CD300A: variants seen among roughly 807,000 people sequenced by gnomAD.
CD300A encodes the protein CD300a molecule.
CD300A carries 22 observed loss-of-function variants against 33.6 expected under a neutral mutation model. The observed-to-expected ratio is 0.66, with a 90% CI of 0.47 to 0.94. CD300A has a LOEUF of 0.94. Among genes scored for constraint, CD300A ranks in the 40% least tolerant of loss-of-function variants. The pLI is 0.00. For missense variants in CD300A, 326 were observed against 360.5 expected (o/e 0.90, Z 0.77); for synonymous variants, 136 against 148.1 (o/e 0.92, Z 0.59).
intron 4 of CD300A, among the ~76,000 whole-genome samples, chr17:74,481,012 G>T (rs1906804411): frequency 6.6e-6 from 1 of 152,192 alleles, no homozygotes; most frequent in African/African-American, 2.4e-5. Context: ...GCTTCCCAAA[G>T]CACTGGGATT....
chr17:74,484,218 G>T lies in CD300A; in HGVS notation c.*92G>T, dbSNP rs1447228885. The T allele has an allele frequency of 3.6e-6, 5 of 1,405,380 alleles. No individual in the cohort carries two copies. In the Middle Eastern group the frequency reaches 7.8e-4, roughly 219 times the overall value. The allele number at this position is 1,405,380 out of a possible 1,614,324, so 87.1% of individuals were successfully genotyped here. A position where few individuals can be genotyped will look rare whatever the true frequency, so the allele number is the denominator to read the frequency against. ...ACCTGGCCCACGTCCTTCTCAGCCTGCCCTCGACAACAGTGACCAACAGAC... is the reference window on the plus strand; with the variant it reads ...ACCTGGCCCACGTCCTTCTCAGCCTTCCCTCGACAACAGTGACCAACAGAC... On this transcript the variant is annotated 3_prime_UTR_variant, in exon 7 of 7. Transcript: ENST00000360141.
chr17:74,484,121 A>G lies in CD300A; in HGVS notation c.895A>G (p.Thr299Ala). ...PDSDYSVIRK[T>A] ...TTCAGATTACAGTGTGATAAGGAAG[A>G]CATAGGCTTTTGTCCTGCCTCGCCA... Residue 299 changes from threonine to alanine, a missense_variant, in exon 7 of 7, where the codon ACA (threonine) becomes GCA (alanine). By Grantham distance (58) the Thr-to-Ala change is moderately conservative. Coordinates refer to ENST00000360141, the MANE Select transcript of CD300A (RefSeq NM_007261.4). The G allele has an allele frequency of 1.2e-6, 2 of 1,613,686 alleles. No homozygotes were observed. Among genetic ancestry groups the G allele is most frequent in the South Asian group, 2.2e-5 (2 of 91,050 alleles).
At chr17:74,469,748 C>T (rs920323701) in intron 1 of CD300A, among the ~76,000 whole-genome samples, 3 of 152,118 alleles carry the variant, frequency 2.0e-5, no homozygotes, top group Non-Finnish European at 4.4e-5. Context: ...TCACTTGAAC[C>T]CAGGAGGCGG....
chr17:74,481,254 G>A (rs752405902), intron 4 of CD300A, 35 bp from the exon 5 acceptor site: 11 of 1,610,486 alleles, frequency 6.8e-6, no homozygotes, highest in East Asian at 2.2e-5. Flanking sequence ...CCATTGTTCC[G>A]GGATTCAACC....
intron 4 of CD300A, 66 bp downstream of exon 4, chr17:74,477,596 T>A (rs1489525784): frequency 9.8e-7 from 1 of 1,016,036 alleles, no homozygotes; most frequent in Non-Finnish European, 1.5e-6. Flanking sequence ...CAGACGCTCA[T>A]CTTCAAAGCT....
In CD300A at chr17:74,484,002, C is replaced by A. The variant is rs1440447284; in HGVS notation, c.776C>A (p.Ala259Asp). 6.2e-7 allele frequency: 1 copy of A among 1,613,792 alleles called. No homozygotes were observed. Among genetic ancestry groups the A allele is most frequent in the Non-Finnish European group, 8.5e-7 (1 of 1,179,814 alleles). ...CAGTTTCTTGGTTTCTCTCTGCAGG[C>A]CTCCCCCAGGGAAGAACTTCACTAT... ...REVEVEYSTVASPREELHYAS... is the reference protein window; with the variant it reads ...REVEVEYSTVDSPREELHYAS... Residue 259 changes from alanine to aspartate, a missense_variant and splice_region_variant, in exon 7 of 7, where the codon GCC becomes GAC. By Grantham distance (126) the Ala-to-Asp change is moderately radical. Coordinates refer to ENST00000360141, the MANE Select transcript of CD300A (RefSeq NM_007261.4).
chr17:74,467,361 C>T (rs772332755), intron 1 of CD300A, among the ~76,000 whole-genome samples: 2 of 152,134 alleles, frequency 1.3e-5, no homozygotes, highest in Non-Finnish European at 2.9e-5. Context: ...GGGTTAGCCC[C>T]TGCATGGGCC....
chr17:74,467,039 C>T, intron 1 of CD300A: 2 of 1,273,914 alleles, frequency 1.6e-6, no homozygotes, highest in Non-Finnish European at 2.0e-6. Context: ...TGAATTCTTA[C>T]AGGAAGGGGG....
intron 3 of CD300A, 141 bp from the exon 4 acceptor site, chr17:74,477,295 T>A: frequency 1.8e-6 from 1 of 559,492 alleles, no homozygotes; most frequent in Non-Finnish European, 3.2e-6. Context: ...AAGGCTGCAG[T>A]GAGCCATGAT....
chr17:74,481,455 A>G, intron 5 of CD300A, 129 bp downstream of exon 5: 1 of 839,550 alleles, frequency 1.2e-6, no homozygotes, highest in Non-Finnish European at 2.0e-6. Context: ...AGCAGGACGA[A>G]TGATGCTGGG....
chr17:74,474,789 C>A, intron 3 of CD300A, 104 bp downstream of exon 3: 1 of 1,285,398 alleles, frequency 7.8e-7, no homozygotes, highest in Non-Finnish European at 1.1e-6. Context: ...GTGCATCGCT[C>A]CCTTTGCCCC....
rs770356061 is a variant in CD300A at position 74,473,916 on chromosome 17, G to A, written c.379+42G>A. ...CTCAGCGCCTAAATAGGCTCAGGTTGGAATTGTTGGGGCAGGAATCAGATC... is the reference window on the plus strand; with the variant it reads ...CTCAGCGCCTAAATAGGCTCAGGTTAGAATTGTTGGGGCAGGAATCAGATC... On this transcript the variant is annotated intron_variant, in intron 2 of 6. Coordinates refer to ENST00000360141, the MANE Select transcript of CD300A (RefSeq NM_007261.4). 9 of 1,582,008 alleles carry A rather than the reference G, an allele frequency of 5.7e-6. No individual in the cohort carries two copies. In the East Asian group the frequency reaches 2.0e-4, roughly 36 times the overall value.
chr17:74,466,602 C>A, upstream of CD300A: 1 of 1,326,984 alleles, frequency 7.5e-7, no homozygotes, highest in Non-Finnish European at 1.1e-6. Context: ...CAGCGCGGCA[C>A]CAAGAAAAGC....
At chr17:74,474,509 C>A in intron 2 of CD300A, 23 bp from the exon 3 acceptor site, 1 of 1,612,636 alleles carries the variant, frequency 6.2e-7, no homozygotes, top group Non-Finnish European at 8.5e-7. Flanking sequence ...CTCCCTGGGT[C>A]TGACTTGTGG....
intron 3 of CD300A, 72 bp from the exon 4 acceptor site, chr17:74,477,364 A>T: frequency 9.8e-7 from 1 of 1,021,584 alleles, no homozygotes; most frequent in Non-Finnish European, 1.5e-6. Flanking sequence ...AATAAAAATA[A>T]AAAATAAAAA....
At chr17:74,477,037 A>AT (rs749442779) in intron 3 of CD300A, among the ~76,000 whole-genome samples, 5 of 151,992 alleles carry the variant, frequency 3.3e-5, no homozygotes, top group Admixed American at 6.6e-5. Flanking sequence ...TATACTGTCT[A>AT]TTTTTTTTAA....
chr17:74,477,193 T>C (rs1036902079), intron 3 of CD300A, among the ~76,000 whole-genome samples: 2 of 151,592 alleles, frequency 1.3e-5, no homozygotes, highest in African/African-American at 4.8e-5. Context: ...ATAGCAAGAT[T>C]GAGTCTCTAC....
chr17:74,466,555 C>A, upstream of CD300A: 2 of 887,704 alleles, frequency 2.3e-6, no homozygotes, highest in Non-Finnish European at 3.4e-6. Context: ...TTCTGACCGG[C>A]TCCAGGAATA....
At chr17:74,467,066 G>T (rs1180992711) in intron 1 of CD300A, 7 of 1,162,496 alleles carry the variant, frequency 6.0e-6, no homozygotes, top group Non-Finnish European at 6.5e-6. Flanking sequence ...GGCAGGATGT[G>T]TCAGGGTGGG....
Sources: gnomAD v4.1 joint callset for allele counts (sites outside exome capture counted in the v4.1 genomes callset) on GRCh38, gnomAD v4.1.1 for gene constraint, MANE v1.5 for transcripts, NCBI Gene and HGNC (gene_info 2026-07-23, HGNC 2026-07-21) for gene names.